The following CCDC175 variants were observed in gnomAD, a reference collection of about 807,000 sequenced individuals.
CCDC175 encodes coiled-coil domain-containing protein 175.
In CCDC175, 100 loss-of-function variants were observed where a neutral mutation model predicts 114.6. The observed-to-expected ratio is 0.87, with a 90% CI of 0.74 to 1.03. The LOEUF is 1.03. Among genes scored for constraint, CCDC175 ranks in the 50% least tolerant of loss-of-function variants. The pLI, the probability that CCDC175 is intolerant of heterozygous loss-of-function variation, is 0.00. For synonymous variants in CCDC175, 306 were observed against 308.7 expected (o/e 0.99, Z 0.09); for missense variants, 880 against 917.8 (o/e 0.96, Z 0.53).
chr14:59,505,974 G>GA (rs1484053707), intron 19 of CCDC175, among the ~76,000 whole-genome samples: 1 of 152,142 alleles, frequency 6.6e-6, no homozygotes, highest in Non-Finnish European at 1.5e-5. Flanking sequence ...CCTAAAATCT[G>GA]AAATCTTAAA....
intron 1 of CCDC175, among the ~76,000 whole-genome samples, chr14:59,575,934 C>T (rs964146962): frequency 2.0e-5 from 3 of 152,094 alleles, no homozygotes; most frequent in Admixed American, 6.5e-5. Context: ...TAAATCAATA[C>T]GATTATCTTG....
intron 14 of CCDC175, among the ~76,000 whole-genome samples, chr14:59,531,381 C>G (rs1444342615): frequency 6.6e-6 from 1 of 151,720 alleles, no homozygotes; most frequent in East Asian, 1.9e-4. Flanking sequence ...AGTGCTTACT[C>G]AATAAATGGT....
intron 5 of CCDC175, 106 bp downstream of exon 5, chr14:59,564,941 A>G (rs930930517): frequency 1.2e-6 from 1 of 821,056 alleles, no homozygotes; most frequent in Non-Finnish European, 1.9e-6. Flanking sequence ...CACAGAAGAT[A>G]CCACAGAGGC....
intron 7 of CCDC175, among the ~76,000 whole-genome samples, chr14:59,551,769 C>A (rs780029879): frequency 9.9e-5 from 15 of 152,230 alleles, no homozygotes; most frequent in Non-Finnish European, 1.6e-4. Flanking sequence ...CACTCCCACC[C>A]TAATACTGCA....
chr14:59,571,535 G>A (rs1219645875), intron 3 of CCDC175, among the ~76,000 whole-genome samples: 1 of 151,982 alleles, frequency 6.6e-6, no homozygotes, highest in Non-Finnish European at 1.5e-5. Context: ...TAATCACTGG[G>A]GAAATGCAAA....
intron 14 of CCDC175, among the ~76,000 whole-genome samples, chr14:59,529,460 C>A (rs1357473514): frequency 6.6e-6 from 1 of 152,184 alleles, no homozygotes; most frequent in African/African-American, 2.4e-5. Context: ...TTTCAACCAA[C>A]CTTTAGCCCT....
At chr14:59,534,654 C>T (rs757902402) in intron 13 of CCDC175, among the ~76,000 whole-genome samples, 10 of 152,112 alleles carry the variant, frequency 6.6e-5, no homozygotes, top group Non-Finnish European at 1.2e-4. Flanking sequence ...GCTGTAGGAC[C>T]CAGAAAAGTG....
intron 1 of CCDC175, among the ~76,000 whole-genome samples, chr14:59,575,399 G>A (rs1232114207): frequency 1.3e-5 from 2 of 151,750 alleles, no homozygotes; most frequent in African/African-American, 4.8e-5. Flanking sequence ...TAGAGATCAA[G>A]TATGAAAAGA....
intron 16 of CCDC175, 79 bp from the exon 17 acceptor site, chr14:59,521,755 T>A (rs996139382): frequency 1.2e-6 from 1 of 809,750 alleles, no homozygotes; most frequent in African/African-American, 1.7e-5. Flanking sequence ...TCAGCAAACA[T>A]GTATAAATTC....
chr14:59,516,303 GA>G (rs1893081291), intron 17 of CCDC175, among the ~76,000 whole-genome samples: 1 of 152,148 alleles, frequency 6.6e-6, no homozygotes, highest in South Asian at 2.1e-4. Context: ...CAGAAGGTGA[GA>G]AATAACTAAG....
chr14:59,527,234 AG>A (rs1239419895), intron 14 of CCDC175, 60 bp from the exon 15 acceptor site: 2 of 871,290 alleles, frequency 2.3e-6, no homozygotes, highest in African/African-American at 3.5e-5. Context: ...TATTAATCAA[AG>A]AAGTACCTAG....
intron 16 of CCDC175, among the ~76,000 whole-genome samples, chr14:59,524,467 C>T (rs1195294501): frequency 6.6e-6 from 1 of 152,052 alleles, no homozygotes; most frequent in African/African-American, 2.4e-5. Flanking sequence ...AAAGGATATC[C>T]AAGAGGCCAG....
chr14:59,523,618 T>C (rs564071208), intron 16 of CCDC175, among the ~76,000 whole-genome samples: 1 of 152,346 alleles, frequency 6.6e-6, no homozygotes, highest in South Asian at 2.1e-4. Flanking sequence ...TAACAGATCT[T>C]GACCATGAGG....
intron 4 of CCDC175, among the ~76,000 whole-genome samples, chr14:59,567,313 G>A (rs1896613208): frequency 6.6e-6 from 1 of 152,158 alleles, no homozygotes; most frequent in Non-Finnish European, 1.5e-5. Flanking sequence ...CTTTTGTGGA[G>A]CATCTCCCAG....
intron 17 of CCDC175, among the ~76,000 whole-genome samples, chr14:59,513,835 C>T (rs1249184116): frequency 6.6e-6 from 1 of 152,184 alleles, no homozygotes; most frequent in Non-Finnish European, 1.5e-5. Context: ...TCCTAGCACG[C>T]AGCTGGAGAT....
chr14:59,565,126 T>G lies in CCDC175; in HGVS notation c.641A>C (p.Lys214Thr), dbSNP rs774547854. 10 of 1,537,696 alleles carry G rather than the reference T, an allele frequency of 6.5e-6. No homozygotes were observed. In the South Asian group the frequency reaches 1.1e-4, roughly 16 times the overall value. Reference sequence around the variant, plus strand: ...TAGCTCCTCTGCCTCTTGAATACATTTTTTTTGCAATGCTATGTCTTCTCT... The same window carrying G: ...TAGCTCCTCTGCCTCTTGAATACATGTTTTTTGCAATGCTATGTCTTCTCT... ...LKREDIALQK[K>T]CIQEAEELME... Residue 214 changes from lysine to threonine, a missense_variant, in exon 5 of 20, where the codon AAA (lysine) becomes ACA (threonine). Transcript: ENST00000537690.
intron 19 of CCDC175, among the ~76,000 whole-genome samples, chr14:59,505,664 C>T (rs1009834518): frequency 2.6e-5 from 4 of 152,156 alleles, no homozygotes; most frequent in Non-Finnish European, 5.9e-5. Context: ...ACTAGAACAA[C>T]TTATAGCCAC....
At chr14:59,554,533 C>T (rs548216086) in intron 7 of CCDC175, among the ~76,000 whole-genome samples, 4 of 152,130 alleles carry the variant, frequency 2.6e-5, no homozygotes, top group African/African-American at 9.7e-5. Flanking sequence ...AAAATTGACA[C>T]CCTAATATCA....
At chr14:59,572,199 A>T (rs771244375) in intron 3 of CCDC175, among the ~76,000 whole-genome samples, 1 of 152,236 alleles carries the variant, frequency 6.6e-6, no homozygotes, top group Non-Finnish European at 1.5e-5. Flanking sequence ...CAATTTGCAG[A>T]TGAATGGATA....
Sources: gnomAD v4.1 joint callset for allele counts (sites outside exome capture counted in the v4.1 genomes callset) on GRCh38, gnomAD v4.1.1 for gene constraint, MANE v1.5 for transcripts, NCBI Gene and HGNC (gene_info 2026-07-23, HGNC 2026-07-21) for gene names.